The following ZNF550 variants were observed in gnomAD, a reference collection of about 807,000 sequenced individuals.
ZNF550 encodes zinc finger protein 550.
ZNF550 carries 42 observed loss-of-function variants against 40.2 expected under a neutral mutation model. The ratio of observed to expected loss-of-function variants is 1.05; its 90% CI spans 0.82 to 1.35. The LOEUF (loss-of-function observed/expected upper bound fraction) is 1.35. Among genes scored for constraint, ZNF550 ranks in the 40% most tolerant of loss-of-function variants. ZNF550 has a pLI of 0.00. For synonymous variants in ZNF550, 223 were observed against 198.6 expected (o/e 1.12, Z -1.03); for missense variants, 549 against 525.2 (o/e 1.05, Z -0.44).
chr19:57,541,856 T>C (rs1479953890), exon 5 of ZNF550: 1 of 152,182 alleles, frequency 6.6e-6, no homozygotes, highest in African/African-American at 2.4e-5. Context: ...AATCAATATG[T>C]TTAATCTTTC....
At chr19:57,556,465 A>C in intron 1 of ZNF550, 108 bp from the exon 2 acceptor site, 1 of 1,438,532 alleles carries the variant, frequency 7.0e-7, no homozygotes, top group South Asian at 1.3e-5. Context: ...GTCTGAATCA[A>C]CTAGGTCTCC....
At chr19:57,556,272 C>G (rs774494400) in exon 2 of ZNF550, 1 of 1,614,120 alleles carries the variant, frequency 6.2e-7, no homozygotes, top group South Asian at 1.1e-5. Flanking sequence ...CATCACCTCT[C>G]GGTACAGGGT....
chr19:57,560,736 G>A (rs2090161020), upstream of ZNF550, among the ~76,000 whole-genome samples: 1 of 152,124 alleles, frequency 6.6e-6, no homozygotes, highest in Non-Finnish European at 1.5e-5. Flanking sequence ...GATTGGCCTG[G>A]CACTGGTGGG....
At chr19:57,552,606 G>A in intron 3 of ZNF550, 21 bp downstream of exon 3, 1 of 1,574,374 alleles carries the variant, frequency 6.4e-7, no homozygotes, top group South Asian at 1.1e-5. Flanking sequence ...GACTCCACAT[G>A]ACCAGCTGGT....
exon 4 of ZNF550, chr19:57,547,180 C>G: frequency 6.2e-7 from 1 of 1,611,390 alleles, no homozygotes; most frequent in Non-Finnish European, 8.5e-7. Flanking sequence ...GAGTTCTGAG[C>G]TGCATCTGAA....
rs188824484 is a variant in ZNF550, at chr19:57,543,604, A to G, written c.*519-361T>C. 2.8e-4 allele frequency: 279 copies of G among 985,256 alleles called. No homozygotes were observed. In the African/African-American group the frequency reaches 4.7e-3, roughly 17 times the overall value. 61.0% of individuals were successfully genotyped at this position (985,256 alleles called of 1,614,324 possible). A position where few individuals can be genotyped will look rare whatever the true frequency, so the allele number is the denominator to read the frequency against. On this transcript the variant is annotated intron_variant, in intron 4 of 4. Coordinates refer to ENST00000457177, the Ensembl canonical transcript of ZNF550. ...ATAGTGCTTTTTATCTAATTTGTTC[A>G]TTAAATGTAACAAAGTTACAAAAAC...
intron 3 of ZNF550, among the ~76,000 whole-genome samples, chr19:57,548,850 G>C (rs2090047980): frequency 6.6e-6 from 1 of 152,158 alleles, no homozygotes; most frequent in Non-Finnish European, 1.5e-5. Context: ...ACAATGAATG[G>C]ACAAAGAAAA....
Position 57,548,005 on chromosome 19 carries a change from CAACA to C in ZNF550, c.251-16_251-13del, listed in dbSNP as rs777579617. 46 of 1,603,886 alleles carry C rather than the reference CAACA, an allele frequency of 2.9e-5. No individual in the cohort carries two copies. The highest frequency in any genetic ancestry group is 2.2e-4 in the South Asian group (20 of 90,648). On this transcript the variant is annotated splice_polypyrimidine_tract_variant and intron_variant, in intron 3 of 4. Coordinates refer to ENST00000457177, the Ensembl canonical transcript of ZNF550. ...TTGTGCTCTGTCACCTGAAGGGCATCAACAAACAAAGGAGGGGTCTTTTAGTGAT... is the reference window on the plus strand; with the variant it reads ...TTGTGCTCTGTCACCTGAAGGGCATCAACAAAGGAGGGGTCTTTTAGTGAT...
intron 3 of ZNF550, among the ~76,000 whole-genome samples, chr19:57,551,395 C>T (rs920407777): frequency 2.6e-5 from 4 of 151,862 alleles, no homozygotes; most frequent in African/African-American, 9.7e-5. Flanking sequence ...TCTGGTATGG[C>T]CCAGGCAGAA....
intron 4 of ZNF550, chr19:57,544,694 T>C (rs1044819044): frequency 2.8e-6 from 2 of 725,480 alleles, no homozygotes; most frequent in Non-Finnish European, 3.4e-6. Flanking sequence ...TGAATATATA[T>C]GCAGTGCTTT....
chr19:57,558,346 A>G (rs927319074), intron 1 of ZNF550, among the ~76,000 whole-genome samples: 1 of 152,246 alleles, frequency 6.6e-6, no homozygotes, highest in African/African-American at 2.4e-5. Flanking sequence ...AGGAGAAAGA[A>G]GATGCGGTCA....
Position 57,547,717 on chromosome 19 carries a change from C to T in ZNF550, c.527G>A (p.Trp176Ter). ...TTCATGGAGAACATCTGCTGATAAC[C>T]ACTCTTGTAATGCCCTGGAGTGCAG... Residue 176 changes from tryptophan to a stop codon, truncating the protein, a stop_gained, in exon 4 of 5, where the codon TGG becomes TAG. Coordinates refer to ENST00000457177, the Ensembl canonical transcript of ZNF550. LOFTEE classifies it high-confidence loss of function. 2 of 1,614,150 alleles carry T rather than the reference C, an allele frequency of 1.2e-6. No homozygotes were observed. Among genetic ancestry groups the T allele is most frequent in the Non-Finnish European group, 1.7e-6 (2 of 1,180,038 alleles).
chr19:57,547,781 C>A, exon 4 of ZNF550: 3 of 1,614,146 alleles, frequency 1.9e-6, no homozygotes, highest in Non-Finnish European at 2.5e-6. Flanking sequence ...TCAAGGCTCA[C>A]TTTCCCAAGA....
chr19:57,543,168 C>T (rs754136010), exon 5 of ZNF550: 40 of 870,836 alleles, frequency 4.6e-5, no homozygotes, highest in Non-Finnish European at 5.2e-5. Flanking sequence ...TCATTTCCTT[C>T]GGTGTTGTAG....
intron 2 of ZNF550, chr19:57,555,679 A>T (rs1456490662): frequency 6.2e-6 from 1 of 162,546 alleles, no homozygotes. Context: ...GGACAGAGAA[A>T]GTAAAAGGAA....
chr19:57,549,474 T>A (rs781432992), intron 3 of ZNF550, among the ~76,000 whole-genome samples: 2 of 152,008 alleles, frequency 1.3e-5, no homozygotes, highest in Non-Finnish European at 2.9e-5. Context: ...TAAAAATAAA[T>A]GAAGCCTTTT....
chr19:57,546,616 A>G (rs2090012157), exon 4 of ZNF550: 2 of 1,021,304 alleles, frequency 2.0e-6, no homozygotes, highest in Non-Finnish European at 2.3e-6. Context: ...CTCAGATAGT[A>G]AGATTTCTGC....
upstream of ZNF550, among the ~76,000 whole-genome samples, chr19:57,560,236 C>T (rs1206421043): frequency 1.3e-5 from 2 of 152,184 alleles, no homozygotes; most frequent in African/African-American, 4.8e-5. Flanking sequence ...GCGTCCTCCT[C>T]CACCCTGACG....
intron 3 of ZNF550, among the ~76,000 whole-genome samples, chr19:57,550,790 T>A (rs1380601488): frequency 6.6e-6 from 1 of 152,242 alleles, no homozygotes; most frequent in Non-Finnish European, 1.5e-5. Flanking sequence ...ACATAAGATT[T>A]TTTTTAGTTT....
Sources: gnomAD v4.1 joint callset for allele counts (sites outside exome capture counted in the v4.1 genomes callset) on GRCh38, gnomAD v4.1.1 for gene constraint, MANE v1.5 for transcripts, NCBI Gene and HGNC (gene_info 2026-07-23, HGNC 2026-07-21) for gene names.